Variants in FARS2 observed in about 807,000 individuals in gnomAD.
The protein encoded by FARS2 is phenylalanine--tRNA ligase, mitochondrial.
FARS2 carries 40 observed loss-of-function variants against 46.4 expected under a neutral mutation model. The observed-to-expected ratio is 0.86, with a 90% confidence interval of 0.67 to 1.12. The LOEUF (loss-of-function observed/expected upper bound fraction) is 1.12, where lower values mean the gene tolerates loss of function less well. Ranked by LOEUF, FARS2 falls within the 50% of genes most tolerant of loss-of-function variation. FARS2 has a pLI of 0.00. For missense variants in FARS2, 513 were observed against 567.9 expected (o/e 0.90, Z 0.98); for synonymous variants, 234 against 214.9 (o/e 1.09, Z -0.78).
intron 6 of FARS2, among the ~76,000 whole-genome samples, chr6:5,734,614 G>A (rs1760839075): frequency 6.6e-6 from 1 of 152,124 alleles, no homozygotes; most frequent in South Asian, 2.1e-4. Context: ...ACTTAACATA[G>A]CCAGATAGTA....
intron 1 of FARS2, among the ~76,000 whole-genome samples, chr6:5,313,309 G>A (rs1347599526): frequency 6.6e-6 from 1 of 152,186 alleles, no homozygotes; most frequent in Non-Finnish European, 1.5e-5. Flanking sequence ...ACTACCATCA[G>A]CTGGTTCTAG....
At chr6:5,706,975 G>A (rs947719972) in intron 6 of FARS2, among the ~76,000 whole-genome samples, 8 of 152,220 alleles carry the variant, frequency 5.3e-5, no homozygotes, top group East Asian at 1.9e-4. Flanking sequence ...TTTCTCCAGC[G>A]CGCCTTGATG....
intron 5 of FARS2, among the ~76,000 whole-genome samples, chr6:5,571,464 T>G (rs1772643307): frequency 6.6e-6 from 1 of 152,212 alleles, no homozygotes; most frequent in Admixed American, 6.5e-5. Flanking sequence ...TACTGAAGCA[T>G]GGGAGGTTGA....
In FARS2 at chr6:5,764,166, G is replaced by A. The variant is rs1166619439; in HGVS notation, c.1218-7125G>A. On this transcript the variant is annotated intron_variant, in intron 6 of 6. Coordinates refer to ENST00000274680, the MANE Select transcript of FARS2 (RefSeq NM_006567.5). The surrounding 1 kb of genome is among the most constrained non-coding windows in gnomAD (Gnocchi z 4.1). ...TCACAAACCCTGGAAAGCAAGTTTTGTTCGCCTCACTCTGCAGATGGAGTT... is the reference window on the plus strand; with the variant it reads ...TCACAAACCCTGGAAAGCAAGTTTTATTCGCCTCACTCTGCAGATGGAGTT... Among the ~76,000 whole-genome samples, 3 of 152,116 alleles carry A rather than the reference G, an allele frequency of 2.0e-5. No homozygotes were observed. Among genetic ancestry groups the A allele is most frequent in the Non-Finnish European group, 2.9e-5 (2 of 68,018 alleles).
intron 2 of FARS2, among the ~76,000 whole-genome samples, chr6:5,378,805 T>TTG (rs1759556359): frequency 1.3e-5 from 2 of 152,218 alleles, no homozygotes; most frequent in South Asian, 4.1e-4. Context: ...AAAATTATTT[T>TTG]TCTCTGTTCA....
At chr6:5,436,600 A>C (rs1763533899) in intron 4 of FARS2, among the ~76,000 whole-genome samples, 1 of 152,234 alleles carries the variant, frequency 6.6e-6, no homozygotes. Context: ...GCATTTTGTG[A>C]GAACGAGCTT....
chr6:5,390,176 T>G (rs1760412123), intron 2 of FARS2, among the ~76,000 whole-genome samples: 1 of 152,206 alleles, frequency 6.6e-6, no homozygotes, highest in African/African-American at 2.4e-5. Flanking sequence ...TACTACAGTT[T>G]TTTTGTTCCA....
chr6:5,282,290 C>T (rs1373291453), intron 1 of FARS2, among the ~76,000 whole-genome samples: 6 of 152,124 alleles, frequency 3.9e-5, no homozygotes, highest in African/African-American at 1.4e-4. Flanking sequence ...GCCGTGGCTG[C>T]TTAGAAGGAA....
chr6:5,619,708 C>T (rs926312572), intron 6 of FARS2, among the ~76,000 whole-genome samples: 12 of 152,192 alleles, frequency 7.9e-5, no homozygotes, highest in South Asian at 2.1e-4. Flanking sequence ...GGCACCTTCT[C>T]GGTGTGGCTG....
chr6:5,560,805 C>T (rs1771938421), intron 5 of FARS2, among the ~76,000 whole-genome samples: 1 of 151,988 alleles, frequency 6.6e-6, no homozygotes. Flanking sequence ...GTGGTTTTTT[C>T]TAGGGAATTG....
chr6:5,643,331 A>G (rs1776916936), intron 6 of FARS2, among the ~76,000 whole-genome samples: 1 of 152,174 alleles, frequency 6.6e-6, no homozygotes, highest in African/African-American at 2.4e-5. Context: ...AGGAGTAATT[A>G]CCTTACACGT....
intron 1 of FARS2, among the ~76,000 whole-genome samples, chr6:5,352,428 G>A (rs1276255994): frequency 6.6e-6 from 1 of 151,942 alleles, no homozygotes; most frequent in Non-Finnish European, 1.5e-5. Flanking sequence ...TGTGTGGCTT[G>A]TCACTATGTC....
At position 5,325,124 on chromosome 6, in the gene FARS2, G is replaced by T. The variant is rs147477988; in HGVS notation, c.-21-43426G>T. ...GGAGGGAATGGCTGAACATTGCTTG[G>T]CTACTCCACAGATGCACGGCAGAGC... On this transcript the variant is annotated intron_variant, in intron 1 of 6. Coordinates refer to ENST00000274680, the MANE Select transcript of FARS2 (RefSeq NM_006567.5). Among the ~76,000 whole-genome samples, 331 of 152,214 alleles carry T rather than the reference G, an allele frequency of 2.2e-3. 1 individual carries two copies. The highest frequency in any genetic ancestry group is 7.7e-3 in the African/African-American group (318 of 41,524).
intron 4 of FARS2, among the ~76,000 whole-genome samples, chr6:5,437,447 A>G (rs2127780534): frequency 6.6e-6 from 1 of 152,284 alleles, no homozygotes; most frequent in Admixed American, 6.5e-5. Context: ...GAAAAGAGTA[A>G]GATTTTCTAC....
intron 5 of FARS2, among the ~76,000 whole-genome samples, chr6:5,596,086 C>T (rs571903614): frequency 9.2e-5 from 14 of 152,242 alleles, no homozygotes; most frequent in African/African-American, 2.9e-4. Flanking sequence ...GGATATTAGT[C>T]TTATTCTGTA....
At chr6:5,552,110 A>C (rs1034254829) in intron 5 of FARS2, among the ~76,000 whole-genome samples, 1 of 152,178 alleles carries the variant, frequency 6.6e-6, no homozygotes, top group Non-Finnish European at 1.5e-5. Context: ...TTCAGATATA[A>C]TAGAGTGGTT....
intron 6 of FARS2, among the ~76,000 whole-genome samples, chr6:5,638,330 C>T (rs556513607): frequency 3.3e-5 from 5 of 152,248 alleles, no homozygotes; most frequent in South Asian, 2.1e-4. Context: ...TTTGGGAGGC[C>T]GAGGCGGGTG....
intron 2 of FARS2, among the ~76,000 whole-genome samples, chr6:5,389,019 TC>T (rs1328162663): frequency 1.3e-5 from 2 of 152,174 alleles, no homozygotes; most frequent in African/African-American, 4.8e-5. Flanking sequence ...ATTGTTGCCC[TC>T]CCCTCACATC....
At chr6:5,415,465 C>T (rs1022879976) in intron 3 of FARS2, among the ~76,000 whole-genome samples, 7 of 151,142 alleles carry the variant, frequency 4.6e-5, no homozygotes, top group South Asian at 2.1e-4. Flanking sequence ...TACAGGTGCA[C>T]GCCACCACGC....
Sources: gnomAD v4.1 joint callset for allele counts (sites outside exome capture counted in the v4.1 genomes callset) on GRCh38, gnomAD v4.1.1 for gene constraint, Gnocchi (gnomAD v3.1) non-coding constraint, MANE v1.5 for transcripts, NCBI Gene and HGNC (gene_info 2026-07-23, HGNC 2026-07-21) for gene names.